The following KIF11 variants were observed in gnomAD, a reference collection of about 807,000 sequenced individuals.
The protein encoded by KIF11 is kinesin family member 11.
In KIF11, 9 loss-of-function variants were observed where a neutral mutation model predicts 121.0. The observed-to-expected ratio is 0.07, with a 90% CI of 0.04 to 0.13. The LOEUF (loss-of-function observed/expected upper bound fraction) is 0.13, where lower values mean the gene tolerates loss of function less well. Among genes scored for constraint, KIF11 ranks in the 10% least tolerant of loss-of-function variants. The probability of loss-of-function intolerance (pLI) is 1.00; values close to 1 mark genes in which losing one functional copy is unlikely to be tolerated. For missense variants in KIF11, 846 were observed against 1,217.5 expected, an observed-to-expected ratio of 0.69 and a Z score of 4.54; for synonymous variants, 408 against 421.0, an observed-to-expected ratio of 0.97 and a Z score of 0.38.
At chr10:92,604,848 A>G (rs1306951645) in intron 1 of KIF11, among the ~76,000 whole-genome samples, 1 of 152,140 alleles carries the variant, frequency 6.6e-6, no homozygotes, top group East Asian at 1.9e-4. Flanking sequence ...GTGGACTGTG[A>G]TATTAGTTTT....
chr10:92,613,157 T>G lies in KIF11; in HGVS notation c.789+27T>G. Reference sequence around the variant, plus strand: ...TAAGCATCCACCTTAATACTACTGTTTCACTCTTAAACACCTTATAGAGCA... The same window carrying G: ...TAAGCATCCACCTTAATACTACTGTGTCACTCTTAAACACCTTATAGAGCA... On this transcript the variant is annotated intron_variant, in intron 7 of 21. Transcript: ENST00000260731. The surrounding 1 kb of genome is among the most constrained non-coding windows in gnomAD (Gnocchi z 4.2). 6.5e-7 allele frequency: 1 copy of G among 1,537,670 alleles called. No homozygotes were observed.
chr10:92,635,672 G>C lies in KIF11; in HGVS notation c.1876-1512G>C, dbSNP rs1454599900. Among the ~76,000 whole-genome samples the C allele has an allele frequency of 3.3e-5, 5 of 152,216 alleles. No homozygotes were observed. In the East Asian group the frequency reaches 9.6e-4, roughly 29 times the overall value. On this transcript the variant is annotated intron_variant, in intron 14 of 21. Transcript: ENST00000260731. ...AACATGTGATGCAGAGACAGAAAGT[G>C]AGCACATGATATTTGAAAAAAGTCA...
chr10:92,608,446 G>T (rs1485305366), intron 4 of KIF11, among the ~76,000 whole-genome samples: 2 of 148,722 alleles, frequency 1.3e-5, no homozygotes, highest in African/African-American at 2.5e-5. Flanking sequence ...TGAACTTGGC[G>T]TTTTTTTTTT....
intron 21 of KIF11, among the ~76,000 whole-genome samples, chr10:92,651,502 ATTTTGTTTTTTTTTTTTTTTTT>A (rs1844979884): frequency 9.3e-5 from 2 of 21,560 alleles, no homozygotes; most frequent in East Asian, 2.9e-3. Flanking sequence ...TGCCTGGCTA[ATTTTGTTTTTTTTTTTTTTTTT>A]TTTTTTTTTT....
intron 10 of KIF11, among the ~76,000 whole-genome samples, chr10:92,628,379 GC>G (rs767519658): frequency 2.6e-5 from 4 of 152,058 alleles, no homozygotes; most frequent in Non-Finnish European, 5.9e-5. Context: ...GATACCTGAT[GC>G]CTTCAAGTCC....
chr10:92,633,095 G>T (rs976050222), intron 13 of KIF11, among the ~76,000 whole-genome samples: 1 of 151,896 alleles, frequency 6.6e-6, no homozygotes, highest in Non-Finnish European at 1.5e-5. Flanking sequence ...TATCTTGATG[G>T]TTTGCTATAT....
At chr10:92,643,006 G>A (rs1844881499) in intron 17 of KIF11, among the ~76,000 whole-genome samples, 1 of 152,168 alleles carries the variant, frequency 6.6e-6, no homozygotes, top group Non-Finnish European at 1.5e-5. Context: ...CTGCCTCCCG[G>A]GTTCAAGTGA....
At chr10:92,636,784 G>A (rs769282341) in intron 14 of KIF11, among the ~76,000 whole-genome samples, 30 of 152,018 alleles carry the variant, frequency 2.0e-4, no homozygotes, top group Non-Finnish European at 3.4e-4. Context: ...TGTAATCTCA[G>A]CACTTTGGGA....
intron 6 of KIF11, among the ~76,000 whole-genome samples, chr10:92,611,607 AATG>A (rs1263695439): frequency 6.6e-6 from 1 of 152,146 alleles, no homozygotes; most frequent in Non-Finnish European, 1.5e-5. Flanking sequence ...ATTTTATAAA[AATG>A]ATACTTGGCT....
chr10:92,607,486 C>G (rs1352480326), intron 4 of KIF11, among the ~76,000 whole-genome samples: 3 of 152,072 alleles, frequency 2.0e-5, no homozygotes, highest in African/African-American at 7.2e-5. Context: ...CTATTTATGA[C>G]AGAATGGTTG....
chr10:92,617,483 T>C (rs1387626231), intron 9 of KIF11, among the ~76,000 whole-genome samples: 1 of 152,216 alleles, frequency 6.6e-6, no homozygotes, highest in African/African-American at 2.4e-5. Flanking sequence ...ATTGTGAACA[T>C]TTCTGTACAT....
At chr10:92,596,504 T>A (rs536200145) in intron 1 of KIF11, among the ~76,000 whole-genome samples, 4 of 152,126 alleles carry the variant, frequency 2.6e-5, no homozygotes, top group South Asian at 4.2e-4. Flanking sequence ...GGGTTCCAAT[T>A]TCTCCACATC....
At chr10:92,628,781 T>A (rs998590289) in intron 10 of KIF11, 27 bp from the exon 11 acceptor site, 12 of 1,267,528 alleles carry the variant, frequency 9.5e-6, no homozygotes, top group Non-Finnish European at 1.4e-5. Context: ...ATATTAACTG[T>A]TAAACTCATA....
chr10:92,602,081 G>T (rs1844379722), intron 1 of KIF11, among the ~76,000 whole-genome samples: 1 of 152,098 alleles, frequency 6.6e-6, no homozygotes, highest in Non-Finnish European at 1.5e-5. Context: ...ATTTTTACAT[G>T]TTGGACCATC....
chr10:92,639,302 T>C (rs911346981), intron 16 of KIF11, among the ~76,000 whole-genome samples: 1 of 152,148 alleles, frequency 6.6e-6, no homozygotes, highest in African/African-American at 2.4e-5. Flanking sequence ...TTTTAAAAAA[T>C]CCTGGCTGGA....
At position 92,609,465 on chromosome 10, in the gene KIF11, A is replaced by G. The variant is rs2135902929; in HGVS notation, c.654A>G (p.Ala218=). 9.9e-6 allele frequency: 16 copies of G among 1,613,860 alleles called. No homozygotes were observed. Among genetic ancestry groups the G allele is most frequent in the Non-Finnish European group, 1.4e-5 (16 of 1,179,930 alleles). The change falls in exon 6 of 22, where the codon GCA becomes GCG. Residue 218 remains alanine (A), a synonymous_variant. Transcript: ENST00000260731. ...DEVYQILEKG[A]AKRTTAATLM... ...TCTATCAAATTTTAGAAAAGGGGGCAGCAAAAAGGACAACTGCAGCTACTC... is the reference window on the plus strand; with the variant it reads ...TCTATCAAATTTTAGAAAAGGGGGCGGCAAAAAGGACAACTGCAGCTACTC...
rs1844910454 is a variant in KIF11 at position 92,645,619 on chromosome 10, C to A, written c.2524C>A (p.Gln842Lys). Residue 842 changes from glutamine (Q) to lysine (K), a missense_variant, in exon 18 of 22, where the codon CAG (glutamine) becomes AAG (lysine). Around this residue, in one of 5 missense-constraint regions of KIF11, gnomAD observed 492 missense variants for 603.4 expected, o/e 0.82. Transcript: ENST00000260731. ...GGTATCTTCCTTAAATGAAAGGGAACAGGAACTTCACAACTTATTGGAGGT... is the reference window on the plus strand; with the variant it reads ...GGTATCTTCCTTAAATGAAAGGGAAAAGGAACTTCACAACTTATTGGAGGT... ...QWVSSLNERE[Q>K]ELHNLLEVVS... 2.5e-6 allele frequency: 4 copies of A among 1,601,606 alleles called. No homozygotes were observed. The African/African-American group carries it at 5.4e-5, about 22-fold the overall frequency.
chr10:92,622,353 G>A (rs1040686370), intron 10 of KIF11, among the ~76,000 whole-genome samples: 9 of 151,702 alleles, frequency 5.9e-5, no homozygotes, highest in Admixed American at 4.6e-4. Context: ...CGTGGCTCAC[G>A]CCTGTAATCC....
At chr10:92,608,841 T>C (rs1236470212) in intron 4 of KIF11, among the ~76,000 whole-genome samples, 179 bp from the exon 5 acceptor site, 4 of 152,240 alleles carry the variant, frequency 2.6e-5, no homozygotes, top group Non-Finnish European at 5.9e-5. Context: ...TGAAGACTAC[T>C]GTAGAACAGA....
Sources: gnomAD v4.1 joint callset for allele counts (sites outside exome capture counted in the v4.1 genomes callset) on GRCh38, gnomAD v4.1.1 for gene constraint, gnomAD v4.1.1 regional missense constraint, Gnocchi (gnomAD v3.1) non-coding constraint, MANE v1.5 for transcripts, NCBI Gene and HGNC (gene_info 2026-07-23, HGNC 2026-07-21) for gene names.